KCNMA1: variants seen among roughly 807,000 people sequenced by gnomAD.
KCNMA1 encodes the protein Calcium-activated potassium channel subunit alpha-1.
A neutral mutation model predicts 140.0 loss-of-function variants in KCNMA1; 29 were observed. The observed-to-expected ratio is 0.21, with a 90% CI of 0.15 to 0.28. KCNMA1 has a LOEUF of 0.28. Ranked by LOEUF, KCNMA1 falls within the 10% of genes least tolerant of loss-of-function variation. The pLI, the probability that KCNMA1 is intolerant of heterozygous loss-of-function variation, is 1.00. For missense variants in KCNMA1, 880 were observed against 1,602.2 expected (o/e 0.55, Z 7.70); for synonymous variants, 612 against 611.9 (o/e 1.00, Z 0.00).
At chr10:77,523,749 G>A (rs1260513667) in intron 1 of KCNMA1, among the ~76,000 whole-genome samples, 1 of 152,096 alleles carries the variant, frequency 6.6e-6, no homozygotes, top group Non-Finnish European at 1.5e-5. Flanking sequence ...AATATTTGTG[G>A]GATCTAAAAA....
At chr10:77,028,042 G>GCTTC in intron 15 of KCNMA1, 151 bp from the exon 16 acceptor site, 4 of 738,752 alleles carry the variant, frequency 5.4e-6, no homozygotes, top group Non-Finnish European at 9.6e-6. Context: ...GGGGGTGGAA[G>GCTTC]CAACACCTCC....
At chr10:77,114,994 T>C (rs1480765644) in intron 6 of KCNMA1, among the ~76,000 whole-genome samples, 1 of 152,222 alleles carries the variant, frequency 6.6e-6, no homozygotes, top group African/African-American at 2.4e-5. Context: ...TAGTTTCAGC[T>C]AGCTTGTTTA....
intron 18 of KCNMA1, among the ~76,000 whole-genome samples, chr10:77,007,185 T>C (rs1422719632): frequency 6.6e-6 from 1 of 152,202 alleles, no homozygotes; most frequent in Admixed American, 6.5e-5. Context: ...TAAAAGGGCA[T>C]CCTATTCCTT....
intron 5 of KCNMA1, among the ~76,000 whole-genome samples, chr10:77,167,245 G>T (rs953947682): frequency 6.6e-6 from 1 of 151,984 alleles, no homozygotes; most frequent in Admixed American, 6.6e-5. Context: ...TCTGTGCTTG[G>T]ATTATTTCAC....
chr10:76,884,948 C>A lies in KCNMA1; in HGVS notation c.*2318G>T. Reference sequence around the variant, plus strand: ...AGGACAACGTTATAGAAGAAAACCCCCAGCAGTGGCTAGGTCATGCAGAAC... The same window carrying A: ...AGGACAACGTTATAGAAGAAAACCCACAGCAGTGGCTAGGTCATGCAGAAC... On this transcript the variant is annotated 3_prime_UTR_variant, in exon 28 of 28. Transcript: ENST00000286628. 6.5e-7 allele frequency: 1 copy of A among 1,527,424 alleles called. No individual in the cohort carries two copies. The highest frequency in any genetic ancestry group is 1.3e-5 in the South Asian group (1 of 78,548). 94.6% of individuals were successfully genotyped at this position (1,527,424 alleles called of 1,614,324 possible).
At chr10:77,201,439 T>C (rs2042426734) in intron 3 of KCNMA1, among the ~76,000 whole-genome samples, 1 of 152,098 alleles carries the variant, frequency 6.6e-6, no homozygotes, top group African/African-American at 2.4e-5. Flanking sequence ...CACACTGAAC[T>C]TGGAAAAGGA....
intron 2 of KCNMA1, among the ~76,000 whole-genome samples, chr10:77,396,665 A>G (rs189856971): frequency 3.5e-4 from 54 of 152,348 alleles, no homozygotes; most frequent in Non-Finnish European, 6.5e-4. Context: ...CTATGTATAT[A>G]ACGTTAATGT....
chr10:77,580,788 G>A (rs60573731), intron 1 of KCNMA1, among the ~76,000 whole-genome samples: 5 of 152,192 alleles, frequency 3.3e-5, no homozygotes, highest in Admixed American at 3.3e-4. Context: ...TGCTCTCCGT[G>A]ATCTTTTGCC....
chr10:76,926,041 A>G (rs1192816024), intron 23 of KCNMA1, among the ~76,000 whole-genome samples: 1 of 152,174 alleles, frequency 6.6e-6, no homozygotes, highest in Non-Finnish European at 1.5e-5. Flanking sequence ...TAAGTGTTGA[A>G]GTGTTTCCTG....
chr10:77,114,292 C>G (rs570760309), intron 6 of KCNMA1, among the ~76,000 whole-genome samples: 17 of 152,276 alleles, frequency 1.1e-4, no homozygotes, highest in Admixed American at 8.5e-4. Context: ...GCCCTGGGTC[C>G]CTGGAGCATA....
chr10:77,042,469 T>C (rs896253932), intron 14 of KCNMA1, among the ~76,000 whole-genome samples: 2 of 152,224 alleles, frequency 1.3e-5, no homozygotes, highest in Non-Finnish European at 2.9e-5. Flanking sequence ...GTATCACTAA[T>C]TACAAATCCC....
chr10:76,972,946 C>T (rs967849620), intron 19 of KCNMA1: 1 of 152,084 alleles, frequency 6.6e-6, no homozygotes, highest in Non-Finnish European at 1.5e-5. Context: ...TCTAGGAAAA[C>T]TTTTAGTTAA....
At chr10:77,161,181 C>T (rs769573877) in intron 5 of KCNMA1, among the ~76,000 whole-genome samples, 10 of 152,156 alleles carry the variant, frequency 6.6e-5, no homozygotes, top group Non-Finnish European at 1.3e-4. Context: ...GACACTTGTA[C>T]TCATTCATTC....
intron 20 of KCNMA1, among the ~76,000 whole-genome samples, chr10:76,962,090 C>G: frequency 6.6e-6 from 1 of 152,204 alleles, no homozygotes; most frequent in South Asian, 2.1e-4. Context: ...AGACAACAGC[C>G]TAAAGCAAAA....
chr10:76,914,899 A>C, intron 24 of KCNMA1, 37 bp downstream of exon 24: 2 of 1,443,500 alleles, frequency 1.4e-6, no homozygotes, highest in Non-Finnish European at 2.0e-6. Flanking sequence ...TGAAAGACAG[A>C]ACAAAAACTC....
chr10:77,018,406 G>C (rs113020202), intron 17 of KCNMA1, among the ~76,000 whole-genome samples: 3 of 152,316 alleles, frequency 2.0e-5, no homozygotes, highest in African/African-American at 7.2e-5. Flanking sequence ...AAAGGGCCCT[G>C]TGAATTCCTA....
chr10:77,275,516 T>A (rs1356436523), intron 2 of KCNMA1, among the ~76,000 whole-genome samples: 1 of 152,142 alleles, frequency 6.6e-6, no homozygotes, highest in Non-Finnish European at 1.5e-5. Flanking sequence ...TATTGTGTGT[T>A]ATGGACAGAA....
chr10:77,044,357 C>A (rs1394874332), intron 14 of KCNMA1, among the ~76,000 whole-genome samples: 1 of 151,660 alleles, frequency 6.6e-6, no homozygotes, highest in African/African-American at 2.4e-5. Flanking sequence ...AAAAAAAAAA[C>A]AGTGTAAAAT....
At chr10:76,882,605 T>C (rs2035124001), downstream of KCNMA1, among the ~76,000 whole-genome samples, 1 of 152,236 alleles carries the variant, frequency 6.6e-6, no homozygotes, top group East Asian at 1.9e-4. Flanking sequence ...AAAAACCTTC[T>C]CACTTCTTTG....
Sources: gnomAD v4.1 joint callset for allele counts (sites outside exome capture counted in the v4.1 genomes callset) on GRCh38, gnomAD v4.1.1 for gene constraint, MANE v1.5 for transcripts, NCBI Gene and HGNC (gene_info 2026-07-23, HGNC 2026-07-21) for gene names.